Variants in CD200R1L observed in about 807,000 individuals in gnomAD.
CD200R1L encodes the protein CD200 receptor 1 like.
Under a neutral mutation model 24.8 loss-of-function variants are expected in CD200R1L, and 14 were observed. That is an observed-to-expected ratio of 0.56 (90% confidence interval 0.37 to 0.88). CD200R1L has a LOEUF of 0.88. Ranked by LOEUF, CD200R1L falls within the 40% of genes least tolerant of loss-of-function variation. The pLI is 0.00. For synonymous variants in CD200R1L, 111 were observed against 109.2 expected (o/e 1.02, Z -0.11); for missense variants, 299 against 297.8 (o/e 1.00, Z -0.03).
intron 4 of CD200R1L, among the ~76,000 whole-genome samples, chr3:112,828,260 C>A (rs181621439): frequency 6.6e-6 from 1 of 152,058 alleles, no homozygotes; most frequent in African/African-American, 2.4e-5. Context: ...GTAACTAATA[C>A]GGCATTCAAG....
chr3:112,832,481 C>A (rs188699469), intron 3 of CD200R1L, among the ~76,000 whole-genome samples: 1 of 152,088 alleles, frequency 6.6e-6, no homozygotes, highest in African/African-American at 2.4e-5. Context: ...AAACCACCCC[C>A]CTTGGCGAAG....
chr3:112,831,431 C>G (rs1938795708), intron 3 of CD200R1L, among the ~76,000 whole-genome samples: 1 of 152,156 alleles, frequency 6.6e-6, no homozygotes, highest in Non-Finnish European at 1.5e-5. Context: ...GTGAAGAATA[C>G]AATGACTATT....
At position 112,845,720 on chromosome 3, in the gene CD200R1L, G is replaced by A; in HGVS notation, c.-128C>T. On this transcript the variant is annotated 5_prime_UTR_variant, in exon 2 of 8. Coordinates refer to ENST00000488794, the MANE Select transcript of CD200R1L (RefSeq NM_001199215.3). ...GATGGAAATCAGTAATCTTGGAGCT[G>A]ACATCTTCCCTAAAGTATGCTTTTG... is the stretch of plus-strand genomic sequence containing the variant. 10 of 1,612,852 alleles carry A rather than the reference G, an allele frequency of 6.2e-6. No homozygotes were observed. Among genetic ancestry groups the A allele is most frequent in the Non-Finnish European group, 8.5e-6 (10 of 1,179,170 alleles).
rs1938488608 is a variant in CD200R1L at position 112,819,799 on chromosome 3, A to G, written c.713T>C (p.Val238Ala). ...FVVILVTTGFVFFQRINHVRK... is the reference protein window; with the variant it reads ...FVVILVTTGFAFFQRINHVRK... ...GACATGATTTATCCTCTGGAAGAAAACAAATCCTGTGGTGACCAGAATGAC... is the reference window on the plus strand; with the variant it reads ...GACATGATTTATCCTCTGGAAGAAAGCAAATCCTGTGGTGACCAGAATGAC... The change falls in exon 7 of 8, where the codon GTT becomes GCT. Residue 238 changes from valine (V) to alanine (A), a missense_variant. Physicochemically the swap from Val to Ala is moderately conservative, Grantham distance 64. Coordinates refer to ENST00000488794, the MANE Select transcript of CD200R1L (RefSeq NM_001199215.3). 6.2e-7 allele frequency: 1 copy of G among 1,610,348 alleles called. No homozygotes were observed. Among genetic ancestry groups the G allele is most frequent in the Admixed American group, 1.7e-5 (1 of 59,078 alleles).
intron 3 of CD200R1L, among the ~76,000 whole-genome samples, chr3:112,831,198 A>G (rs1314968521): frequency 6.6e-6 from 1 of 152,208 alleles, no homozygotes; most frequent in Non-Finnish European, 1.5e-5. Flanking sequence ...ATGGTTAACT[A>G]ATTGTCTTCA....
intron 3 of CD200R1L, among the ~76,000 whole-genome samples, chr3:112,831,429 T>C (rs536725961): frequency 4.6e-4 from 70 of 152,324 alleles, no homozygotes; most frequent in Non-Finnish European, 2.2e-4. Context: ...GAGTGAAGAA[T>C]ACAATGACTA....
At chr3:112,832,739 C>A (rs1278292514) in intron 3 of CD200R1L, among the ~76,000 whole-genome samples, 1 of 152,180 alleles carries the variant, frequency 6.6e-6, no homozygotes, top group Non-Finnish European at 1.5e-5. Flanking sequence ...GGTTATTGAT[C>A]TGGTAAATGC....
chr3:112,845,688 T>C lies in CD200R1L; in HGVS notation c.-96A>G, dbSNP rs925686839. On this transcript the variant is annotated 5_prime_UTR_variant, in exon 2 of 8. An upstream start codon of the reference 5' UTR is lost. Coordinates refer to ENST00000488794, the MANE Select transcript of CD200R1L (RefSeq NM_001199215.3). ...ACAGTATCAGACTTACCAGACACCA[T>C]GATAATGATGGAAATCAGTAATCTT... 1 of 1,613,220 alleles carries C rather than the reference T, an allele frequency of 6.2e-7. No individual in the cohort carries two copies. Among genetic ancestry groups the C allele is most frequent in the Non-Finnish European group, 8.5e-7 (1 of 1,179,406 alleles).
At chr3:112,836,135 C>T (rs765371086) in intron 3 of CD200R1L, among the ~76,000 whole-genome samples, 2 of 152,346 alleles carry the variant, frequency 1.3e-5, no homozygotes, top group Admixed American at 6.5e-5. Context: ...AGTAAAGGCT[C>T]AGTGCCTGGT....
At chr3:112,819,087 A>G (rs1163554190) in intron 7 of CD200R1L, among the ~76,000 whole-genome samples, 1 of 152,206 alleles carries the variant, frequency 6.6e-6, no homozygotes, top group Non-Finnish European at 1.5e-5. Context: ...TGAGCAGGGG[A>G]AACTGCCACT....
intron 3 of CD200R1L, among the ~76,000 whole-genome samples, chr3:112,830,163 A>G (rs1938762659): frequency 1.3e-5 from 2 of 152,242 alleles, no homozygotes; most frequent in South Asian, 4.1e-4. Flanking sequence ...TGAAATTTAG[A>G]GAGACATTTG....
chr3:112,839,831 G>A (rs925959506), intron 2 of CD200R1L, among the ~76,000 whole-genome samples: 2 of 152,182 alleles, frequency 1.3e-5, no homozygotes, highest in Admixed American at 1.3e-4. Flanking sequence ...TGCTTTGCCT[G>A]AAGAAACTGT....
At chr3:112,825,965 C>T (rs560238904) in intron 6 of CD200R1L, among the ~76,000 whole-genome samples, 2 of 152,088 alleles carry the variant, frequency 1.3e-5, no homozygotes, top group African/African-American at 4.8e-5. Context: ...CTAACGAATA[C>T]ATGGTTTCCT....
At chr3:112,843,473 A>T (rs1559927244) in intron 2 of CD200R1L, among the ~76,000 whole-genome samples, 1 of 152,240 alleles carries the variant, frequency 6.6e-6, no homozygotes, top group Non-Finnish European at 1.5e-5. Flanking sequence ...TAAGCTTCAT[A>T]AGCAAAGAGA....
chr3:112,829,308 G>A lies in CD200R1L; in HGVS notation c.49+11C>T, dbSNP rs1446189438. The A allele has an allele frequency of 1.2e-6, 2 of 1,607,998 alleles. No homozygotes were observed. The highest frequency in any genetic ancestry group is 1.7e-6 in the Non-Finnish European group (2 of 1,174,466). On this transcript the variant is annotated intron_variant, in intron 4 of 7. Transcript: ENST00000488794. The stretch of plus-strand genomic sequence containing the variant: ...CCCTCAGTGCTGGCCACTACTAAGG[G>A]AGCATATTACCTTCTGCAAAAATTG...
intron 3 of CD200R1L, among the ~76,000 whole-genome samples, chr3:112,837,473 C>T (rs1438148705): frequency 6.6e-6 from 1 of 152,182 alleles, no homozygotes; most frequent in Admixed American, 6.5e-5. Flanking sequence ...CCCCAGACTG[C>T]TTCTATTGGC....
intron 7 of CD200R1L, 147 bp from the exon 8 acceptor site, chr3:112,816,122 G>C (rs2107323844): frequency 1.6e-6 from 1 of 623,184 alleles, no homozygotes; most frequent in South Asian, 2.0e-5. Context: ...ATTAATCAAT[G>C]TGTCAATTAC....
intron 6 of CD200R1L, among the ~76,000 whole-genome samples, chr3:112,825,882 TG>T (rs1938645188): frequency 6.6e-6 from 1 of 152,182 alleles, no homozygotes; most frequent in Non-Finnish European, 1.5e-5. Context: ...TGAAGATAAA[TG>T]GACTGATCTA....
chr3:112,819,874 G>A lies in CD200R1L; in HGVS notation c.638C>T (p.Pro213Leu). The change falls in exon 7 of 8, where the codon CCA (proline) becomes CTA (leucine). Residue 213 changes from proline to leucine, a missense_variant. Transcript: ENST00000488794. ...AAGAATGATCAGTAAGGACAACGCT[G>A]GAGATCCTGAGGTTCTGAGACCTTT... ...LNSGLRTSGS[P>L]ALSLLIILYV... 1 of 1,604,706 alleles carries A rather than the reference G, an allele frequency of 6.2e-7. No homozygotes were observed. The highest frequency in any genetic ancestry group is 1.1e-5 in the South Asian group (1 of 88,628).
Sources: allele counts gnomAD v4.1 joint callset (sites outside exome capture counted in the v4.1 genomes callset), GRCh38; gene constraint gnomAD v4.1.1; transcripts MANE v1.5; gene names NCBI Gene and HGNC (gene_info 2026-07-23, HGNC 2026-07-21).